Variants in BRINP3 observed in about 807,000 individuals in gnomAD.
BRINP3 encodes the protein BMP/retinoic acid inducible neural specific 3.
In BRINP3, 19 loss-of-function variants were observed where a neutral mutation model predicts 71.0. The observed-to-expected ratio is 0.27, with a 90% CI of 0.19 to 0.39. The LOEUF is 0.39. BRINP3 is among the 10% of genes least tolerant of loss of function. The probability of loss-of-function intolerance (pLI) is 1.00; values close to 1 mark genes in which losing one functional copy is unlikely to be tolerated. For missense variants in BRINP3, 959 were observed against 940.8 expected (o/e 1.02, Z -0.25); for synonymous variants, 380 against 337.7 (o/e 1.13, Z -1.37).
At chr1:190,247,023 A>T (rs1659674041) in intron 4 of BRINP3, among the ~76,000 whole-genome samples, 1 of 151,992 alleles carries the variant, frequency 6.6e-6, no homozygotes, top group Non-Finnish European at 1.5e-5. Flanking sequence ...TATTAAATAT[A>T]GTTTAAGCTA....
intron 1 of BRINP3, among the ~76,000 whole-genome samples, chr1:190,472,872 T>G (rs1677229775): frequency 6.6e-6 from 1 of 151,430 alleles, no homozygotes; most frequent in Non-Finnish European, 1.5e-5. Context: ...TACTTAGGTT[T>G]TATTTACTTA....
chr1:190,189,277 C>T (rs963181844), intron 6 of BRINP3, among the ~76,000 whole-genome samples: 4 of 152,060 alleles, frequency 2.6e-5, no homozygotes, highest in Non-Finnish European at 4.4e-5. Flanking sequence ...AGGTTTAGGG[C>T]TTTTCTTGGA....
chr1:190,171,241 T>C (rs1212178796), intron 6 of BRINP3, among the ~76,000 whole-genome samples: 1 of 152,166 alleles, frequency 6.6e-6, no homozygotes, highest in East Asian at 1.9e-4. Flanking sequence ...CACAAGCATA[T>C]TGCTGTTTTT....
intron 2 of BRINP3, among the ~76,000 whole-genome samples, chr1:190,330,023 A>G (rs1345479997): frequency 2.0e-5 from 3 of 152,022 alleles, no homozygotes; most frequent in South Asian, 2.1e-4. Context: ...ATCTAAAACT[A>G]TAAGAATCCT....
intron 3 of BRINP3, among the ~76,000 whole-genome samples, chr1:190,272,627 T>C (rs556122358): frequency 3.3e-5 from 5 of 151,444 alleles, no homozygotes; most frequent in Admixed American, 6.6e-5. Flanking sequence ...AGTTTTTTAA[T>C]TTTACCACAG....
At chr1:190,129,977 G>A (rs1336326456) in intron 7 of BRINP3, among the ~76,000 whole-genome samples, 3 of 151,788 alleles carry the variant, frequency 2.0e-5, no homozygotes, top group Non-Finnish European at 4.4e-5. Context: ...ATATCTCTAC[G>A]TAGTTGTGCT....
At chr1:190,203,329 T>C (rs1655171821) in intron 6 of BRINP3, among the ~76,000 whole-genome samples, 1 of 151,340 alleles carries the variant, frequency 6.6e-6, no homozygotes, top group Non-Finnish European at 1.5e-5. Context: ...TAAAGGACCA[T>C]GAGATGCAGT....
chr1:190,272,858 C>T (rs1420654191), intron 3 of BRINP3, among the ~76,000 whole-genome samples: 1 of 151,370 alleles, frequency 6.6e-6, no homozygotes, highest in Non-Finnish European at 1.5e-5. Context: ...GTTTAAATCA[C>T]CATAATAGTT....
chr1:190,251,666 A>G (rs1312373380), intron 4 of BRINP3, among the ~76,000 whole-genome samples: 1 of 152,050 alleles, frequency 6.6e-6, no homozygotes, highest in Non-Finnish European at 1.5e-5. Context: ...AAAAGCATGT[A>G]TATCTAATAA....
At chr1:190,448,797 T>A (rs913368627) in intron 2 of BRINP3, among the ~76,000 whole-genome samples, 3 of 151,944 alleles carry the variant, frequency 2.0e-5, no homozygotes, top group Non-Finnish European at 4.4e-5. Flanking sequence ...TCACCTTGTT[T>A]CAAGTTTGAT....
intron 4 of BRINP3, among the ~76,000 whole-genome samples, chr1:190,260,070 C>A (rs1365179990): frequency 9.8e-5 from 13 of 132,166 alleles, no homozygotes; most frequent in South Asian, 2.4e-4. Context: ...TTAAGAACCA[C>A]AAAAAAAAAA....
intron 2 of BRINP3, among the ~76,000 whole-genome samples, chr1:190,438,051 T>G (rs1674581648): frequency 6.6e-6 from 1 of 151,330 alleles, no homozygotes; most frequent in Non-Finnish European, 1.5e-5. Flanking sequence ...ATCAAAACTG[T>G]AAAATGAAAA....
intron 2 of BRINP3, among the ~76,000 whole-genome samples, chr1:190,404,849 T>C (rs966470212): frequency 1.3e-5 from 2 of 152,220 alleles, no homozygotes; most frequent in Non-Finnish European, 2.9e-5. Flanking sequence ...GCAGTGATTT[T>C]ACTCTATGAG....
At chr1:190,340,792 A>G (rs1411506758) in intron 2 of BRINP3, among the ~76,000 whole-genome samples, 1 of 151,684 alleles carries the variant, frequency 6.6e-6, no homozygotes, top group Non-Finnish European at 1.5e-5. Context: ...AATGCTAAGT[A>G]CTTGGTCCTC....
intron 2 of BRINP3, among the ~76,000 whole-genome samples, chr1:190,393,713 C>T (rs1354971923): frequency 6.6e-6 from 1 of 151,534 alleles, no homozygotes; most frequent in Non-Finnish European, 1.5e-5. Context: ...TAGCTCTCAT[C>T]TCAGACTACT....
intron 4 of BRINP3, among the ~76,000 whole-genome samples, chr1:190,246,467 G>A (rs116594135): frequency 1.9e-3 from 288 of 151,730 alleles, no homozygotes; most frequent in African/African-American, 6.6e-3. Flanking sequence ...CATACAACCA[G>A]GTGATTGTTA....
chr1:190,199,771 G>GAAAAAAAAAAAAAAA (rs35752025), intron 6 of BRINP3, among the ~76,000 whole-genome samples: 1 of 123,544 alleles, frequency 8.1e-6, no homozygotes, highest in African/African-American at 3.0e-5. Flanking sequence ...CAAGGCATAG[G>GAAAAAAAAAAAAAAA]AAAAAAAAAA....
intron 7 of BRINP3, among the ~76,000 whole-genome samples, chr1:190,152,452 T>C (rs1417248418): frequency 1.3e-5 from 2 of 151,606 alleles, no homozygotes; most frequent in Non-Finnish European, 2.9e-5. Context: ...TCTATAAATA[T>C]AATGAGATGA....
At chr1:190,236,969 AG>A (rs895695051) in intron 4 of BRINP3, among the ~76,000 whole-genome samples, 2 of 151,888 alleles carry the variant, frequency 1.3e-5, no homozygotes, top group Non-Finnish European at 2.9e-5. Flanking sequence ...ATCTTGGAAA[AG>A]GGAAGGTAAA....
Sources: gnomAD v4.1 joint callset for allele counts (sites outside exome capture counted in the v4.1 genomes callset) on GRCh38, gnomAD v4.1.1 for gene constraint, MANE v1.5 for transcripts, NCBI Gene and HGNC (gene_info 2026-07-23, HGNC 2026-07-21) for gene names.